SMARCB1: variants seen among roughly 807,000 people sequenced by gnomAD.
SMARCB1 encodes the protein SWI/SNF-related matrix-associated actin-dependent regulator of chromatin subfamily B member 1.
A neutral mutation model predicts 49.0 loss-of-function variants in SMARCB1; 5 were observed. That is an observed-to-expected ratio of 0.10 (90% CI 0.05 to 0.21). The LOEUF (loss-of-function observed/expected upper bound fraction) is 0.21. Among genes scored for constraint, SMARCB1 ranks in the 10% least tolerant of loss-of-function variants. SMARCB1 has a pLI of 1.00. For missense variants in SMARCB1, 226 were observed against 509.2 expected (o/e 0.44, Z 5.35); for synonymous variants, 201 against 200.1 (o/e 1.00, Z -0.04).
chr22:23,818,540 T>G (rs1320298300), intron 6 of SMARCB1: 1 of 152,170 alleles, frequency 6.6e-6, no homozygotes, highest in Non-Finnish European at 1.5e-5. Context: ...TAAGTGTAAA[T>G]TCAGTGGCAG....
At position 23,834,134 on chromosome 22, in the gene SMARCB1, C is replaced by T. The variant is rs2146044811; in HGVS notation, c.1119-7C>T. 3 of 1,587,332 alleles carry T rather than the reference C, an allele frequency of 1.9e-6. No homozygotes were observed. The highest frequency in any genetic ancestry group is 1.7e-6 in the Non-Finnish European group (2 of 1,167,180). ...CCGACTCATTGCCCTCCCCACTCCT[C>T]TTCCAGGCGGATGAGGCGTCTTGCC... On this transcript the variant is annotated splice_polypyrimidine_tract_variant and splice_region_variant and intron_variant, in intron 8 of 8. Coordinates refer to ENST00000644036, the MANE Select transcript of SMARCB1 (RefSeq NM_003073.5).
intron 3 of SMARCB1, among the ~76,000 whole-genome samples, chr22:23,794,217 C>T (rs1432824060): frequency 6.6e-6 from 1 of 152,254 alleles, no homozygotes; most frequent in African/African-American, 2.4e-5. Flanking sequence ...GCTGGGATTA[C>T]AGGCGTGAGC....
intron 5 of SMARCB1, among the ~76,000 whole-genome samples, chr22:23,814,391 C>T (rs887325572): frequency 6.6e-6 from 1 of 152,190 alleles, no homozygotes; most frequent in African/African-American, 2.4e-5. Context: ...AGTAGGCTGG[C>T]ACAGTGGCTT....
chr22:23,809,700 C>A (rs1186845145), intron 5 of SMARCB1, among the ~76,000 whole-genome samples: 4 of 151,670 alleles, frequency 2.6e-5, no homozygotes. Flanking sequence ...CATGAGCCAC[C>A]GCGCCCAGCC....
intron 1 of SMARCB1, 124 bp from the exon 2 acceptor site, chr22:23,791,632 A>G: frequency 1.1e-6 from 1 of 889,284 alleles, no homozygotes; most frequent in Non-Finnish European, 1.9e-6. Context: ...TGCTGCCGAA[A>G]GCGTGGCGCC....
In SMARCB1 at chr22:23,837,607, T is replaced by C. The variant is rs1601457124; in HGVS notation, c.*3427T>C. 1 of 1,573,784 alleles carries C rather than the reference T, an allele frequency of 6.4e-7. No homozygotes were observed. The highest frequency in any genetic ancestry group is 1.7e-5 in the Admixed American group (1 of 57,958). On this transcript the variant is annotated 3_prime_UTR_variant, in exon 9 of 9. Coordinates refer to ENST00000644036, the MANE Select transcript of SMARCB1 (RefSeq NM_003073.5). ...GGGGCCCCAGGGCATAAGCAGCGTG[T>C]CCTGAGGGGAGTGGCCAGCCTGGGG... is the stretch of plus-strand genomic sequence containing the variant.
intron 1 of SMARCB1, among the ~76,000 whole-genome samples, chr22:23,789,469 C>T (rs774544034): frequency 6.4e-4 from 97 of 152,212 alleles, no homozygotes; most frequent in Non-Finnish European, 1.2e-3. Context: ...AGAAGCTGTG[C>T]GTGGCCAAGT....
chr22:23,793,296 C>T, intron 2 of SMARCB1: 3 of 539,494 alleles, frequency 5.6e-6, no homozygotes, highest in East Asian at 7.0e-5. Flanking sequence ...GCCCTGAGCA[C>T]TTCCCTCTGC....
Position 23,836,084 on chromosome 22 carries a change from CAG to C in SMARCB1, c.*1905_*1906del, listed in dbSNP as rs1296281495. On this transcript the variant is annotated 3_prime_UTR_variant, in exon 9 of 9. Transcript: ENST00000644036. ...CAGGTCAGAAGAGAAAAATGAGCCACAGGGGTCGGATAAGGCTCACACACGTC... is the reference window on the plus strand; with the variant it reads ...CAGGTCAGAAGAGAAAAATGAGCCACGGGTCGGATAAGGCTCACACACGTC... 4.6e-5 allele frequency: 45 copies of C among 985,322 alleles called. No individual in the cohort carries two copies. Among genetic ancestry groups the C allele is most frequent in the Non-Finnish European group, 5.4e-5 (45 of 829,966 alleles). The allele number at this position is 985,322 out of a possible 1,614,324, so 61.0% of individuals were successfully genotyped here.
chr22:23,801,238 G>T (rs1192008276), intron 4 of SMARCB1, 157 bp downstream of exon 4: 8 of 1,042,056 alleles, frequency 7.7e-6, no homozygotes, highest in South Asian at 1.4e-5. Flanking sequence ...GTGTTTCCCT[G>T]ACTTCCAGGA....
rs2145963720 is a variant in SMARCB1 at position 23,793,573 on chromosome 22, A to T, written c.247A>T (p.Thr83Ser). 1 of 1,613,950 alleles carries T rather than the reference A, an allele frequency of 6.2e-7. No homozygotes were observed. The highest frequency in any genetic ancestry group is 8.5e-7 in the Non-Finnish European group (1 of 1,179,964). Reference sequence around the variant, plus strand: ...GTCTGTTACAGATCACGGATACACGACTCTAGCCACCAGTGTGACCCTGTT... The same window carrying T: ...GTCTGTTACAGATCACGGATACACGTCTCTAGCCACCAGTGTGACCCTGTT... ...KPNTKDHGYT[T>S]LATSVTLLKA... The change falls in exon 3 of 9, where the codon ACT (threonine) becomes TCT (serine). Residue 83 changes from threonine (T) to serine (S), a missense_variant. Thr to Ser is a moderately conservative substitution (Grantham distance 58). This residue lies in a region of SMARCB1 where 128 missense variants were observed against 263.9 expected (regional missense o/e 0.49). Coordinates refer to ENST00000644036, the MANE Select transcript of SMARCB1 (RefSeq NM_003073.5).
Position 23,835,831 on chromosome 22 carries a change from A to C in SMARCB1, c.*1651A>C, listed in dbSNP as rs2031002747. On this transcript the variant is annotated 3_prime_UTR_variant, in exon 9 of 9. Transcript: ENST00000644036. ...CTCACCCCACAGGTCGGGCAGGGCC[A>C]CCTGGCTGGGAGGTGCCGGGAAGGC... 1 of 985,196 alleles carries C rather than the reference A, an allele frequency of 1.0e-6. No individual in the cohort carries two copies. The highest frequency in any genetic ancestry group is 1.7e-5 in the African/African-American group (1 of 57,186). 61.0% of individuals were successfully genotyped at this position (985,196 alleles called of 1,614,324 possible).
Position 23,829,773 on chromosome 22 carries a change from C to A in SMARCB1, c.987-3799C>A, listed in dbSNP as rs537326976. 8.5e-5 allele frequency among the ~76,000 whole-genome samples: 13 copies of A among 152,302 alleles called. No homozygotes were observed. In the South Asian group the frequency reaches 2.5e-3, roughly 29 times the overall value. On this transcript the variant is annotated intron_variant, in intron 7 of 8. Coordinates refer to ENST00000644036, the MANE Select transcript of SMARCB1 (RefSeq NM_003073.5). The stretch of plus-strand genomic sequence containing the variant: ...AGAGCTGTGTAACTATCACCACTGT[C>A]AATTTTAGGACTTTTTCATCACCCC...
At position 23,833,759 on chromosome 22, in the gene SMARCB1, A is replaced by G. The variant is rs925324606; in HGVS notation, c.1118+56A>G. On this transcript the variant is annotated intron_variant, in intron 8 of 8. Transcript: ENST00000644036. ...CCCACAGGCACCTGGCTTTCCAGGC[A>G]GAGGCAGGGCCATTGCCTTTCCCAG... is the stretch of plus-strand genomic sequence containing the variant. 1.9e-6 allele frequency: 3 copies of G among 1,601,286 alleles called. No individual in the cohort carries two copies. The Admixed American group carries it at 5.0e-5, about 27-fold the overall frequency.
intron 6 of SMARCB1, chr22:23,818,137 GGTGTGTGTGTGT>G (rs60463265): frequency 0.38 from 50,915 of 132,616 alleles, 11,069 homozygotes; most frequent in Admixed American, 0.52. Flanking sequence ...AAATACTTTG[GGTGTGTGTGTGT>G]GTGTGTGTGT....
intron 7 of SMARCB1, among the ~76,000 whole-genome samples, chr22:23,831,606 T>A (rs2030660109): frequency 6.6e-6 from 1 of 152,156 alleles, no homozygotes; most frequent in African/African-American, 2.4e-5. Flanking sequence ...GGTGCGAGCA[T>A]TTCTTACTTT....
At chr22:23,824,861 T>G (rs2030292048) in intron 6 of SMARCB1, 1 of 359,820 alleles carries the variant, frequency 2.8e-6, no homozygotes, top group South Asian at 2.8e-5. Flanking sequence ...AGCCCTGCCT[T>G]TCTGGTGTAG....
chr22:23,810,668 T>C (rs1414547999), intron 5 of SMARCB1, among the ~76,000 whole-genome samples: 2 of 152,034 alleles, frequency 1.3e-5, no homozygotes, highest in African/African-American at 4.8e-5. Flanking sequence ...GTTTAACAAA[T>C]TATGTTTGAC....
Position 23,791,650 on chromosome 22 carries a change from C to T in SMARCB1, c.94-106C>T, listed in dbSNP as rs1263759983. The T allele has an allele frequency of 6.3e-6, 7 of 1,104,492 alleles. No individual in the cohort carries two copies. The South Asian group carries it at 8.7e-5, about 14-fold the overall frequency. The allele number at this position is 1,104,492 out of a possible 1,614,324, so 68.4% of individuals were successfully genotyped here. A position where few individuals can be genotyped will look rare whatever the true frequency, so the allele number is the denominator to read the frequency against. On this transcript the variant is annotated intron_variant, in intron 1 of 8. Transcript: ENST00000644036. ...TGCCGAAAGCGTGGCGCCTGGGGGC[C>T]ACCTCAAGGCCTGTTTGTCTGTTGC...
Sources: gnomAD v4.1 joint callset for allele counts (sites outside exome capture counted in the v4.1 genomes callset) on GRCh38, gnomAD v4.1.1 for gene constraint, gnomAD v4.1.1 regional missense constraint, MANE v1.5 for transcripts, NCBI Gene and HGNC (gene_info 2026-07-23, HGNC 2026-07-21) for gene names.